Variants in SIRPG observed in about 807,000 individuals in gnomAD.
The protein encoded by SIRPG is signal-regulatory protein gamma.
Under a neutral mutation model 35.7 loss-of-function variants are expected in SIRPG, and 38 were observed. The ratio of observed to expected loss-of-function variants is 1.06; its 90% CI spans 0.82 to 1.40. SIRPG has a LOEUF of 1.40. Ranked by LOEUF, SIRPG falls within the 40% of genes most tolerant of loss-of-function variation. The probability of loss-of-function intolerance (pLI) is 0.00; values close to 1 mark genes in which losing one functional copy is unlikely to be tolerated. For synonymous variants in SIRPG, 215 were observed against 190.4 expected (o/e 1.13, Z -1.06); for missense variants, 519 against 483.0 (o/e 1.07, Z -0.70).
chr20:1,685,338 AG>A, the SIRPG span, among the ~76,000 whole-genome samples: 1 of 152,180 alleles, frequency 6.6e-6, no homozygotes, highest in Non-Finnish European at 1.5e-5. Flanking sequence ...ATTTGGAGAC[AG>A]GGTCTTTAAG....
rs553600918 is a variant in SIRPG, at chr20:1,642,046, C to A, written c.431-5541G>T. ...TGATTTTAGAATAAGTGCCTTGTGG[C>A]ACTGAGAACAATGTGTTTTCTGTTG... On this transcript the variant is annotated intron_variant, in intron 2 of 5. Coordinates refer to ENST00000303415, the MANE Select transcript of SIRPG (RefSeq NM_018556.4). 5.3e-5 allele frequency among the ~76,000 whole-genome samples: 8 copies of A among 152,266 alleles called. 1 individual carries two copies. The South Asian group carries it at 1.7e-3, about 32-fold the overall frequency.
At chr20:1,643,723 C>T (rs2091874322) in intron 2 of SIRPG, among the ~76,000 whole-genome samples, 1 of 152,176 alleles carries the variant, frequency 6.6e-6, no homozygotes, top group South Asian at 2.1e-4. Context: ...TAGTTTTGAT[C>T]TTTCAGGCTG....
intron 1 of SIRPG, 90 bp from the exon 2 acceptor site, chr20:1,649,498 A>G: frequency 8.2e-7 from 1 of 1,212,500 alleles, no homozygotes; most frequent in Non-Finnish European, 1.2e-6. Context: ...GACTGGGTGC[A>G]CATCAGGAAT....
At chr20:1,641,721 G>A (rs2091853839) in intron 2 of SIRPG, among the ~76,000 whole-genome samples, 1 of 152,060 alleles carries the variant, frequency 6.6e-6, no homozygotes, top group Non-Finnish European at 1.5e-5. Flanking sequence ...TTTCTGATGT[G>A]GGCATTTCGT....
At chr20:1,684,765 G>T in the SIRPG span, among the ~76,000 whole-genome samples, 1 of 152,208 alleles carries the variant, frequency 6.6e-6, no homozygotes. Context: ...GACTGAGGTA[G>T]GGGACAATGG....
intron 1 of SIRPG, among the ~76,000 whole-genome samples, chr20:1,651,640 CG>C (rs1340307778): frequency 6.6e-6 from 1 of 152,074 alleles, no homozygotes; most frequent in Non-Finnish European, 1.5e-5. Flanking sequence ...TATTCTAAAC[CG>C]GGGTAGCAAA....
chr20:1,634,351 C>T lies in SIRPG; in HGVS notation c.1081+916G>A, dbSNP rs193067243. Among the ~76,000 whole-genome samples, 419 of 151,942 alleles carry T rather than the reference C, an allele frequency of 2.8e-3. 2 individuals carry two copies. Among genetic ancestry groups the T allele is most frequent in the African/African-American group, 7.6e-3 (315 of 41,420 alleles). On this transcript the variant is annotated intron_variant, in intron 4 of 5. Coordinates refer to ENST00000303415, the MANE Select transcript of SIRPG (RefSeq NM_018556.4). ...CCTCCCGAGTAGCTGGGACTACAGG[C>T]GCCCGCCACCACGCCCGGCTCATTT...
intron 2 of SIRPG, among the ~76,000 whole-genome samples, chr20:1,636,830 T>A (rs1364141615): frequency 1.3e-5 from 2 of 152,116 alleles, no homozygotes; most frequent in Non-Finnish European, 2.9e-5. Context: ...GTGTATTAAC[T>A]GGTGCTAGCC....
chr20:1,662,366 A>G (rs2091998367), upstream of SIRPG, among the ~76,000 whole-genome samples: 1 of 152,204 alleles, frequency 6.6e-6, no homozygotes, highest in East Asian at 1.9e-4. Context: ...GAGCTTGGTT[A>G]GCTCGTCAGA....
At chr20:1,670,466 A>G in the SIRPG span, among the ~76,000 whole-genome samples, 2 of 152,218 alleles carry the variant, frequency 1.3e-5, no homozygotes, top group African/African-American at 2.4e-5. Flanking sequence ...CTACTAGGCT[A>G]AGAATGAGTG....
upstream of SIRPG, among the ~76,000 whole-genome samples, chr20:1,660,967 A>G (rs992488642): frequency 3.9e-5 from 6 of 152,212 alleles, no homozygotes; most frequent in Admixed American, 1.3e-4. Context: ...CCCCAAGTGT[A>G]CAACGGAGAG....
At chr20:1,641,859 C>A (rs1307911852) in intron 2 of SIRPG, among the ~76,000 whole-genome samples, 1 of 152,210 alleles carries the variant, frequency 6.6e-6, no homozygotes, top group African/African-American at 2.4e-5. Context: ...ACCCAGGAGT[C>A]ATTCAGGAGC....
the SIRPG span, among the ~76,000 whole-genome samples, chr20:1,678,375 T>C: frequency 6.6e-6 from 1 of 152,082 alleles, no homozygotes; most frequent in Non-Finnish European, 1.5e-5. Context: ...AAATAAGAAC[T>C]GTAACAAAGA....
chr20:1,630,231 T>G lies in SIRPG; in HGVS notation c.1157A>C (p.Lys386Thr). 1 of 1,566,726 alleles carries G rather than the reference T, an allele frequency of 6.4e-7. No homozygotes were observed. The highest frequency in any genetic ancestry group is 8.7e-7 in the Non-Finnish European group (1 of 1,154,334). ...CCTTCCTTGTACTTACAGTCAGGTC[T>G]TCTGCTTCCAGGGGACGTAGATGGG... ...LGPIYVPWKQ[K>T]T is the part of the protein sequence containing the mutation. The change falls in exon 5 of 6, where the codon AAG becomes ACG. Residue 386 changes from lysine (K) to threonine (T), a missense_variant. Physicochemically the swap from Lys to Thr is moderately conservative, Grantham distance 78. Coordinates refer to ENST00000303415, the MANE Select transcript of SIRPG (RefSeq NM_018556.4).
At chr20:1,637,251 C>A in intron 2 of SIRPG, 2 of 232,612 alleles carry the variant, frequency 8.6e-6, no homozygotes, top group Non-Finnish European at 1.8e-5. Context: ...AAAGCTTTAA[C>A]ATGGAGTCAA....
the SIRPG span, among the ~76,000 whole-genome samples, chr20:1,671,366 T>C: frequency 6.6e-6 from 1 of 151,970 alleles, no homozygotes; most frequent in Non-Finnish European, 1.5e-5. Flanking sequence ...CTCTGAGAGG[T>C]GAGGAAGTCC....
chr20:1,680,747 T>C, the SIRPG span, among the ~76,000 whole-genome samples: 14,276 of 152,266 alleles, frequency 0.094, 718 homozygotes, highest in Non-Finnish European at 0.12. Flanking sequence ...TTGACAAATG[T>C]GGCTATCTTT....
intron 2 of SIRPG, among the ~76,000 whole-genome samples, chr20:1,644,500 T>C (rs1410649812): frequency 2.0e-5 from 3 of 152,260 alleles, no homozygotes; most frequent in Non-Finnish European, 4.4e-5. Context: ...TAGGCAGCGA[T>C]CAGTCCCAAT....
upstream of SIRPG, among the ~76,000 whole-genome samples, chr20:1,659,314 G>A (rs2091989999): frequency 1.3e-5 from 2 of 152,230 alleles, no homozygotes; most frequent in South Asian, 4.1e-4. Context: ...AAATCAAATT[G>A]TAAATGTTAT....
Sources: gnomAD v4.1 joint callset for allele counts (sites outside exome capture counted in the v4.1 genomes callset) on GRCh38, gnomAD v4.1.1 for gene constraint, MANE v1.5 for transcripts, NCBI Gene and HGNC (gene_info 2026-07-23, HGNC 2026-07-21) for gene names.